Variants in TTLL1 observed in about 807,000 individuals in gnomAD.
TTLL1 encodes the protein TTL family tubulin polyglutamylase complex subunit L1.
In TTLL1, 33 loss-of-function variants were observed where a neutral mutation model predicts 47.8. That is an observed-to-expected ratio of 0.69 (90% CI 0.52 to 0.92). The LOEUF is 0.92. Among genes scored for constraint, TTLL1 ranks in the 40% least tolerant of loss-of-function variants. The pLI is 0.00. For missense variants in TTLL1, 488 were observed against 547.5 expected (o/e 0.89, Z 1.08); for synonymous variants, 225 against 214.1 (o/e 1.05, Z -0.45).
At chr22:43,063,334 C>A (rs1193011724) in intron 7 of TTLL1, among the ~76,000 whole-genome samples, 1 of 152,172 alleles carries the variant, frequency 6.6e-6, no homozygotes, top group Non-Finnish European at 1.5e-5. Flanking sequence ...CCTAGGCCAG[C>A]CCGCCTGATG....
intron 10 of TTLL1, among the ~76,000 whole-genome samples, chr22:43,041,536 T>TTTTTTC (rs1452570984): frequency 6.6e-6 from 1 of 151,326 alleles, no homozygotes; most frequent in Non-Finnish European, 1.5e-5. Context: ...TGATTCCTTT[T>TTTTTTC]TTTTTTTTTA....
At chr22:43,057,009 C>T (rs1011039751) in intron 8 of TTLL1, among the ~76,000 whole-genome samples, 1 of 152,092 alleles carries the variant, frequency 6.6e-6, no homozygotes, top group East Asian at 1.9e-4. Flanking sequence ...CGGTGGCTCA[C>T]ATCTGTAATC....
intron 7 of TTLL1, among the ~76,000 whole-genome samples, chr22:43,062,348 G>C (rs1472356483): frequency 6.6e-6 from 1 of 151,900 alleles, no homozygotes; most frequent in East Asian, 1.9e-4. Context: ...AAAATTAGCT[G>C]GGCGTGGTGG....
At chr22:43,078,138 T>C (rs1370645540) in intron 2 of TTLL1, among the ~76,000 whole-genome samples, 1 of 151,690 alleles carries the variant, frequency 6.6e-6, no homozygotes, top group Non-Finnish European at 1.5e-5. Context: ...ACATTCACTA[T>C]TATCATCATC....
At position 43,067,619 on chromosome 22, in the gene TTLL1, C is replaced by T. The variant is rs542930969; in HGVS notation, c.503+791G>A. 2.0e-5 allele frequency among the ~76,000 whole-genome samples: 3 copies of T among 152,254 alleles called. No individual in the cohort carries two copies. In the East Asian group the frequency reaches 5.8e-4, roughly 29 times the overall value. ...ACCACAGAACCCCACCGTGACGCCA[C>T]GTGACAGATGACGCACGCCTGTAAA... On this transcript the variant is annotated intron_variant, in intron 5 of 10. Coordinates refer to ENST00000266254, the MANE Select transcript of TTLL1 (RefSeq NM_012263.5).
chr22:43,047,426 A>G (rs1341733928), intron 9 of TTLL1, among the ~76,000 whole-genome samples: 1 of 152,128 alleles, frequency 6.6e-6, no homozygotes, highest in Non-Finnish European at 1.5e-5. Flanking sequence ...AAATGAAGAC[A>G]TTCGCTTTGT....
rs539667532 is a variant in TTLL1 at position 43,059,280 on chromosome 22, C to T, written c.891+104G>A. 227 of 1,470,948 alleles carry T rather than the reference C, an allele frequency of 1.5e-4. 3 individuals carry two copies. In the South Asian group the frequency reaches 2.7e-3, roughly 17 times the overall value. The allele number at this position is 1,470,948 out of a possible 1,614,324, so 91.1% of individuals were successfully genotyped here. ...GCTTGCTGGGATTACAGGCGTGAGCCGCCGCGCACAGCTGAAAACAGGGAT... is the reference window on the plus strand; with the variant it reads ...GCTTGCTGGGATTACAGGCGTGAGCTGCCGCGCACAGCTGAAAACAGGGAT... On this transcript the variant is annotated intron_variant, in intron 8 of 10. Coordinates refer to ENST00000266254, the MANE Select transcript of TTLL1 (RefSeq NM_012263.5).
chr22:43,074,287 C>A (rs1381109716), intron 3 of TTLL1, among the ~76,000 whole-genome samples: 1 of 151,578 alleles, frequency 6.6e-6, no homozygotes, highest in Non-Finnish European at 1.5e-5. Flanking sequence ...ATAAGCCAGG[C>A]GTGGTGGCAC....
At chr22:43,076,567 CG>C (rs771385839) in intron 2 of TTLL1, among the ~76,000 whole-genome samples, 31 of 151,484 alleles carry the variant, frequency 2.0e-4, no homozygotes, top group Non-Finnish European at 4.1e-4. Context: ...CTGGCTAACA[CG>C]GTGAAACCCT....
intron 5 of TTLL1, 152 bp downstream of exon 5, chr22:43,068,258 A>G (rs894644002): frequency 1.7e-6 from 1 of 581,118 alleles, no homozygotes. Context: ...CGGAGGTTGC[A>G]GTGAGCTGAG....
At position 43,068,591 on chromosome 22, in the gene TTLL1, C is replaced by G; in HGVS notation, c.323-1G>C. 2.0e-6 allele frequency: 3 copies of G among 1,477,576 alleles called. No individual in the cohort carries two copies. The highest frequency in any genetic ancestry group is 2.7e-6 in the Non-Finnish European group (3 of 1,095,296). The allele number at this position is 1,477,576 out of a possible 1,614,324, so 91.5% of individuals were successfully genotyped here. ...AGCATATAGGTGACTGGAACAAAGTCTGCAAGGCAAAGACACCCAGCACTG... is the reference window on the plus strand; with the variant it reads ...AGCATATAGGTGACTGGAACAAAGTGTGCAAGGCAAAGACACCCAGCACTG... On this transcript the variant is annotated splice_acceptor_variant, in intron 4 of 10. Coordinates refer to ENST00000266254, the MANE Select transcript of TTLL1 (RefSeq NM_012263.5). LOFTEE classifies it high-confidence loss of function.
chr22:43,059,289 C>A, intron 8 of TTLL1, 95 bp downstream of exon 8: 1 of 1,507,340 alleles, frequency 6.6e-7, no homozygotes. Flanking sequence ...CCGCCGCGCA[C>A]AGCTGAAAAC....
intron 3 of TTLL1, among the ~76,000 whole-genome samples, chr22:43,071,564 C>T (rs565899120): frequency 3.3e-5 from 5 of 152,082 alleles, no homozygotes; most frequent in Non-Finnish European, 7.4e-5. Flanking sequence ...CATGAACCAC[C>T]ACACACCGCT....
At chr22:43,084,402 A>C (rs2146996183) in intron 1 of TTLL1, among the ~76,000 whole-genome samples, 1 of 152,244 alleles carries the variant, frequency 6.6e-6, no homozygotes, top group East Asian at 1.9e-4. Flanking sequence ...CATCCACCTC[A>C]GCCTGCCAAA....
chr22:43,050,616 C>T (rs974028293), intron 9 of TTLL1, among the ~76,000 whole-genome samples: 3 of 151,578 alleles, frequency 2.0e-5, no homozygotes, highest in African/African-American at 4.8e-5. Context: ...TCAGCCTCCC[C>T]AGTTCAAGCG....
chr22:43,088,396 G>A (rs1929388822), intron 1 of TTLL1, among the ~76,000 whole-genome samples: 1 of 136,270 alleles, frequency 7.3e-6, no homozygotes, highest in South Asian at 2.4e-4. Flanking sequence ...GAGTGCAGTG[G>A]CGCAATCTCG....
At chr22:43,062,392 G>T (rs1376266792) in intron 7 of TTLL1, among the ~76,000 whole-genome samples, 1 of 151,842 alleles carries the variant, frequency 6.6e-6, no homozygotes, top group Admixed American at 6.6e-5. Context: ...TCAGGAGGCT[G>T]AGGCAGGAGA....
At chr22:43,055,733 CA>C (rs1045302588) in intron 8 of TTLL1, among the ~76,000 whole-genome samples, 79 of 152,134 alleles carry the variant, frequency 5.2e-4, no homozygotes, top group African/African-American at 1.7e-3. Flanking sequence ...CTCAGTCTCC[CA>C]AAGGGCTGAG....
intron 3 of TTLL1, among the ~76,000 whole-genome samples, chr22:43,074,427 C>CA (rs61701643): frequency 0.026 from 2,260 of 85,328 alleles, 49 homozygotes; most frequent in African/African-American, 0.068. Flanking sequence ...AATTTCGTCT[C>CA]AAAAAAAAAA....
Sources: allele counts gnomAD v4.1 joint callset (sites outside exome capture counted in the v4.1 genomes callset), GRCh38; gene constraint gnomAD v4.1.1; transcripts MANE v1.5; gene names NCBI Gene and HGNC (gene_info 2026-07-23, HGNC 2026-07-21).